MEF2C: variants seen among roughly 807,000 people sequenced by gnomAD.
MEF2C encodes the protein myocyte enhancer factor 2C, also known as myocyte-specific enhancer factor 2C.
A neutral mutation model predicts 50.5 loss-of-function variants in MEF2C; 6 were observed. The observed-to-expected ratio is 0.12, with a 90% CI of 0.07 to 0.23. The LOEUF is 0.23. MEF2C is among the 10% of genes least tolerant of loss of function. The pLI, the probability that MEF2C is intolerant of heterozygous loss-of-function variation, is 1.00. For synonymous variants in MEF2C, 183 were observed against 228.0 expected, an observed-to-expected ratio of 0.80 and a Z score of 1.78; for missense variants, 276 against 605.0, an observed-to-expected ratio of 0.46 and a Z score of 5.70.
intron 1 of MEF2C, among the ~76,000 whole-genome samples, chr5:88,828,167 C>T (rs1185286962): frequency 6.6e-6 from 1 of 151,904 alleles, no homozygotes; most frequent in Non-Finnish European, 1.5e-5. Flanking sequence ...CATCTTCCCA[C>T]AACACTTTGA....
intron 2 of MEF2C, among the ~76,000 whole-genome samples, chr5:88,812,369 AT>A (rs1554143273): frequency 6.6e-6 from 1 of 152,170 alleles, no homozygotes; most frequent in Non-Finnish European, 1.5e-5. Context: ...ATAAATTTCT[AT>A]GGATGCTCAG....
intron 2 of MEF2C, among the ~76,000 whole-genome samples, chr5:88,816,582 A>C (rs768595703): frequency 1.3e-5 from 2 of 150,544 alleles, no homozygotes; most frequent in Non-Finnish European, 3.0e-5. Context: ...CAAATCTTTG[A>C]ATAAAAACTT....
chr5:88,755,663 C>A (rs550501316), intron 4 of MEF2C, among the ~76,000 whole-genome samples: 2 of 152,160 alleles, frequency 1.3e-5, no homozygotes, highest in African/African-American at 2.4e-5. Context: ...CATCTCTGGG[C>A]TACAAATGTT....
At chr5:88,884,610 C>T (rs1218164285), upstream of MEF2C, 1 of 150,134 alleles carries the variant, frequency 6.7e-6, no homozygotes, top group Non-Finnish European at 1.5e-5. Flanking sequence ...TTTTCCACAC[C>T]TTACTGGACT....
At chr5:88,870,536 A>G (rs1303532561) in intron 1 of MEF2C, among the ~76,000 whole-genome samples, 2 of 152,096 alleles carry the variant, frequency 1.3e-5, no homozygotes, top group African/African-American at 4.8e-5. Flanking sequence ...AGCAAATAAA[A>G]AATGGAGAAA....
chr5:88,789,039 C>A (rs1409525787), intron 3 of MEF2C, among the ~76,000 whole-genome samples: 2 of 152,022 alleles, frequency 1.3e-5, no homozygotes, highest in Non-Finnish European at 1.5e-5. Flanking sequence ...AGTGATGGAA[C>A]TTGTTTATGA....
At chr5:88,811,027 T>G (rs1050876905) in intron 2 of MEF2C, among the ~76,000 whole-genome samples, 4 of 152,106 alleles carry the variant, frequency 2.6e-5, no homozygotes, top group African/African-American at 9.7e-5. Context: ...GATCTAAAGT[T>G]TTAGCGTTCT....
chr5:88,889,114 T>C (rs988200734), intron 1 of MEF2C: 2 of 152,154 alleles, frequency 1.3e-5, no homozygotes, highest in Non-Finnish European at 2.9e-5. Flanking sequence ...CACTTCTTTG[T>C]TTGGAAAGCA....
At chr5:88,765,778 T>C (rs1259601035) in intron 3 of MEF2C, among the ~76,000 whole-genome samples, 3 of 152,210 alleles carry the variant, frequency 2.0e-5, no homozygotes, top group Non-Finnish European at 4.4e-5. Flanking sequence ...GATTTATTCA[T>C]GTATGTCAAG....
intron 4 of MEF2C, among the ~76,000 whole-genome samples, chr5:88,759,351 A>G (rs1776827955): frequency 6.6e-6 from 1 of 152,178 alleles, no homozygotes. Context: ...GAGTGGTGGC[A>G]CATGCTTGTA....
chr5:88,828,191 C>T (rs1226995122), intron 1 of MEF2C, among the ~76,000 whole-genome samples: 4 of 152,094 alleles, frequency 2.6e-5, no homozygotes, highest in Admixed American at 2.0e-4. Flanking sequence ...AGAAGTTAAA[C>T]ATAACCTTCA....
intron 6 of MEF2C, chr5:88,740,043 A>G (rs1765863424): frequency 1.0e-6 from 1 of 985,316 alleles, no homozygotes; most frequent in South Asian, 4.7e-5. Flanking sequence ...TTAGAGAAAT[A>G]CCCCAAGACT....
intron 10 of MEF2C, among the ~76,000 whole-genome samples, chr5:88,727,059 C>T (rs1759136315): frequency 6.6e-6 from 1 of 152,070 alleles, no homozygotes; most frequent in African/African-American, 2.4e-5. Context: ...TAAGCCATAG[C>T]AGTTGATACT....
intron 1 of MEF2C, among the ~76,000 whole-genome samples, chr5:88,831,759 T>C (rs976946405): frequency 6.6e-6 from 1 of 152,092 alleles, no homozygotes; most frequent in African/African-American, 2.4e-5. Flanking sequence ...CAGTGATTCA[T>C]CAATTTTTCT....
intron 1 of MEF2C, among the ~76,000 whole-genome samples, chr5:88,859,712 A>G (rs1824829554): frequency 6.6e-6 from 1 of 152,258 alleles, no homozygotes; most frequent in Non-Finnish European, 1.5e-5. Flanking sequence ...AACGAGCAAA[A>G]ACTCTTTGCA....
At chr5:88,870,587 A>G (rs565389152) in intron 1 of MEF2C, among the ~76,000 whole-genome samples, 2 of 152,214 alleles carry the variant, frequency 1.3e-5, no homozygotes, top group African/African-American at 2.4e-5. Context: ...TAATTGAAAC[A>G]TTCTTTCCAA....
intron 2 of MEF2C, among the ~76,000 whole-genome samples, chr5:88,812,033 T>C (rs1803056773): frequency 6.6e-6 from 1 of 152,092 alleles, no homozygotes. Context: ...CCAGTGTAAA[T>C]AACTTGTTAA....
intron 2 of MEF2C, among the ~76,000 whole-genome samples, chr5:88,807,737 A>T (rs1389622094): frequency 6.6e-6 from 1 of 152,134 alleles, no homozygotes; most frequent in East Asian, 1.9e-4. Flanking sequence ...AGCAAAATAT[A>T]CTTGTCTTGG....
At chr5:88,753,384 T>C (rs1265562394) in intron 4 of MEF2C, among the ~76,000 whole-genome samples, 1 of 152,188 alleles carries the variant, frequency 6.6e-6, no homozygotes, top group Non-Finnish European at 1.5e-5. Flanking sequence ...TTTTATTTCA[T>C]ATTTACTTTT....
Sources: allele counts gnomAD v4.1 joint callset (sites outside exome capture counted in the v4.1 genomes callset), GRCh38; gene constraint gnomAD v4.1.1; transcripts MANE v1.5; gene names NCBI Gene and HGNC (gene_info 2026-07-23, HGNC 2026-07-21).